CYP2E1: variants seen among roughly 807,000 people sequenced by gnomAD.
The protein encoded by CYP2E1 is cytochrome P450 family 2 subfamily E member 1, also known as cytochrome P450 2E1.
CYP2E1 carries 31 observed loss-of-function variants against 42.9 expected under a neutral mutation model. That is an observed-to-expected ratio of 0.72 (90% CI 0.54 to 0.98). The LOEUF (loss-of-function observed/expected upper bound fraction) is 0.98. Among genes scored for constraint, CYP2E1 ranks in the 50% least tolerant of loss-of-function variants. The pLI is 0.00. For synonymous variants in CYP2E1, 244 were observed against 248.9 expected, an observed-to-expected ratio of 0.98 and a Z score of 0.19; for missense variants, 565 against 633.2, an observed-to-expected ratio of 0.89 and a Z score of 1.16.
At chr10:133,528,843 G>C (rs41299412) in intron 2 of CYP2E1, among the ~76,000 whole-genome samples, 2 of 152,230 alleles carry the variant, frequency 1.3e-5, no homozygotes, top group African/African-American at 4.8e-5. Context: ...CCAGGAATCC[G>C]GCCTCTCGGC....
chr10:133,537,313 C>T, intron 7 of CYP2E1, 63 bp downstream of exon 7: 3 of 1,552,928 alleles, frequency 1.9e-6, no homozygotes, highest in Non-Finnish European at 2.6e-6. Context: ...CGCCTTCCTG[C>T]CAGGGAGCAG....
intron 3 of CYP2E1, 126 bp downstream of exon 3, chr10:133,531,860 T>C: frequency 8.8e-6 from 9 of 1,019,748 alleles, no homozygotes; most frequent in African/African-American, 1.6e-5. Flanking sequence ...GTCTCGTGAG[T>C]CCCCAGATAC....
Position 133,532,778 on chromosome 10 carries a change from T to C in CYP2E1, c.735T>C (p.Tyr245=). ...AAAATGTGGCTGAAGTAAAAGAGTA[T>C]GTGTCTGAAAGGGTGAAGGAGCACC... ...VIKNVAEVKE[Y]VSERVKEHHQ... is the part of the protein sequence containing the mutation. Residue 245 remains tyrosine, a synonymous_variant, in exon 5 of 9, where the codon TAT becomes TAC. Transcript: ENST00000252945. 2.5e-6 allele frequency: 4 copies of C among 1,613,658 alleles called. No individual in the cohort carries two copies. Among genetic ancestry groups the C allele is most frequent in the African/African-American group, 2.7e-5 (2 of 75,008 alleles).
chr10:133,531,305 T>C (rs969627197), intron 2 of CYP2E1, among the ~76,000 whole-genome samples: 10 of 152,050 alleles, frequency 6.6e-5, no homozygotes, highest in Non-Finnish European at 1.3e-4. Flanking sequence ...AGAAGGTAAA[T>C]TGACAGCATG....
At chr10:133,536,258 A>G (rs561195502) in intron 6 of CYP2E1, among the ~76,000 whole-genome samples, 1 of 152,248 alleles carries the variant, frequency 6.6e-6, no homozygotes, top group Non-Finnish European at 1.5e-5. Flanking sequence ...CCAGTAAATA[A>G]CCTCATAGAG....
At chr10:133,529,328 G>T (rs1393471576) in intron 2 of CYP2E1, among the ~76,000 whole-genome samples, 1 of 152,196 alleles carries the variant, frequency 6.6e-6, no homozygotes, top group Non-Finnish European at 1.5e-5. Context: ...CAGCCTCCTG[G>T]CTTCAGACCT....
intron 6 of CYP2E1, among the ~76,000 whole-genome samples, chr10:133,535,779 A>G (rs11818144): frequency 0.03 from 4,524 of 152,228 alleles, 215 homozygotes; most frequent in African/African-American, 0.1. Context: ...CTACCTCCTC[A>G]CATCTCCCCA....
At position 133,533,843 on chromosome 10, in the gene CYP2E1, A is replaced by G; in HGVS notation, c.913A>G (p.Ser305Gly). The change falls in exon 6 of 9, where the codon AGC (serine) becomes GGC (glycine). Residue 305 changes from serine (S) to glycine (G), a missense_variant. Coordinates refer to ENST00000252945, the MANE Select transcript of CYP2E1 (RefSeq NM_000773.4). ...DLFFAGTETT[S>G]TTLRYGLLIL... ...GTTCTTTGCGGGGACAGAGACCACC[A>G]GCACAACTCTGAGATATGGGCTCCT... The G allele has an allele frequency of 6.2e-7, 1 of 1,614,184 alleles. No individual in the cohort carries two copies. Among genetic ancestry groups the G allele is most frequent in the Non-Finnish European group, 8.5e-7 (1 of 1,180,018 alleles).
At position 133,539,040 on chromosome 10, in the gene CYP2E1, G is replaced by C; in HGVS notation, c.*76G>C. On this transcript the variant is annotated 3_prime_UTR_variant, in exon 9 of 9. Transcript: ENST00000252945. ...GTTTGAGGTCAGGATTTCTCAAACTGATTCCTTTCTTTGCATATGAGTATT... is the reference window on the plus strand; with the variant it reads ...GTTTGAGGTCAGGATTTCTCAAACTCATTCCTTTCTTTGCATATGAGTATT... 8.3e-7 allele frequency: 1 copy of C among 1,200,626 alleles called. No individual in the cohort carries two copies. The highest frequency in any genetic ancestry group is 1.7e-5 in the South Asian group (1 of 57,526). 74.4% of individuals were successfully genotyped at this position (1,200,626 alleles called of 1,614,324 possible).
In CYP2E1 at chr10:133,528,651, G is replaced by A. The variant is rs377314636; in HGVS notation, c.337+11G>A. 53 of 1,612,606 alleles carry A rather than the reference G, an allele frequency of 3.3e-5. No individual in the cohort carries two copies. Among genetic ancestry groups the A allele is most frequent in the Non-Finnish European group, 4.3e-5 (51 of 1,179,860 alleles). Reference sequence around the variant, plus strand: ...CGCACAGGGACAGGGGTGAGTCCGCGTCCCTGGCACGGAGCGGGGGGTGCA... The same window carrying A: ...CGCACAGGGACAGGGGTGAGTCCGCATCCCTGGCACGGAGCGGGGGGTGCA... On this transcript the variant is annotated intron_variant, in intron 2 of 8. Coordinates refer to ENST00000252945, the MANE Select transcript of CYP2E1 (RefSeq NM_000773.4).
intron 6 of CYP2E1, among the ~76,000 whole-genome samples, chr10:133,536,827 G>GT (rs1851410029): frequency 1.4e-5 from 2 of 143,222 alleles, no homozygotes; most frequent in Non-Finnish European, 3.1e-5. Context: ...ATGGATGGGT[G>GT]GGTGGGTGGA....
chr10:133,535,150 A>G (rs951095197), intron 6 of CYP2E1, among the ~76,000 whole-genome samples: 3 of 152,046 alleles, frequency 2.0e-5, no homozygotes, highest in Non-Finnish European at 4.4e-5. Context: ...CCTGGCCAAC[A>G]TGATGAAACC....
chr10:133,534,034 C>T (rs1469753548), intron 6 of CYP2E1, 137 bp downstream of exon 6: 3 of 918,316 alleles, frequency 3.3e-6, no homozygotes, highest in South Asian at 1.6e-5. Context: ...TGGCTAGATG[C>T]ACTGCTGTGA....
At chr10:133,528,901 G>A (rs2133593582) in intron 2 of CYP2E1, among the ~76,000 whole-genome samples, 1 of 152,340 alleles carries the variant, frequency 6.6e-6, no homozygotes, top group East Asian at 1.9e-4. Context: ...CTTCTGAGCA[G>A]GAGTCGCCGC....
At chr10:133,531,993 A>G in intron 3 of CYP2E1, 131 bp from the exon 4 acceptor site, 1 of 898,080 alleles carries the variant, frequency 1.1e-6, no homozygotes, top group Non-Finnish European at 1.7e-6. Context: ...TCAGACATTC[A>G]CTATCTTTCG....
At chr10:133,533,666 C>G in intron 5 of CYP2E1, 90 bp from the exon 6 acceptor site, 1 of 1,450,228 alleles carries the variant, frequency 6.9e-7, no homozygotes, top group African/African-American at 1.4e-5. Context: ...ACACTGTCTC[C>G]TGTGTCCCTG....
chr10:133,536,605 G>T (rs566575308), intron 6 of CYP2E1, among the ~76,000 whole-genome samples: 3 of 19,138 alleles, frequency 1.6e-4, no homozygotes, highest in Non-Finnish European at 1.2e-4. Context: ...GGATGGATGG[G>T]TGGGTGGGTG....
At chr10:133,537,722 C>T in intron 7 of CYP2E1, 29 bp from the exon 8 acceptor site, 1 of 1,594,562 alleles carries the variant, frequency 6.3e-7, no homozygotes. Context: ...GTTAACATGA[C>T]TCACTGAGAC....
intron 6 of CYP2E1, among the ~76,000 whole-genome samples, chr10:133,535,819 G>T (rs1022642348): frequency 1.3e-5 from 2 of 152,186 alleles, no homozygotes; most frequent in Admixed American, 6.5e-5. Context: ...CTTCAGAATT[G>T]CTGTGTGGCT....
Sources: gnomAD v4.1 joint callset for allele counts (sites outside exome capture counted in the v4.1 genomes callset) on GRCh38, gnomAD v4.1.1 for gene constraint, MANE v1.5 for transcripts, NCBI Gene and HGNC (gene_info 2026-07-23, HGNC 2026-07-21) for gene names.